ZCCHC24: variants seen among roughly 807,000 people sequenced by gnomAD.
ZCCHC24 encodes the protein zinc finger CCHC domain-containing protein 24.
In ZCCHC24, 10 loss-of-function variants were observed where a neutral mutation model predicts 26.2. The observed-to-expected ratio is 0.38, with a 90% CI of 0.24 to 0.65. The LOEUF (loss-of-function observed/expected upper bound fraction) is 0.65. Ranked by LOEUF, ZCCHC24 falls within the 30% of genes least tolerant of loss-of-function variation. The probability of loss-of-function intolerance (pLI) is 0.54; values close to 1 mark genes in which losing one functional copy is unlikely to be tolerated. For synonymous variants in ZCCHC24, 144 were observed against 147.1 expected (o/e 0.98, Z 0.15); for missense variants, 243 against 329.1 (o/e 0.74, Z 2.03).
intron 3 of ZCCHC24, among the ~76,000 whole-genome samples, chr10:79,391,802 G>C (rs753513584): frequency 2.6e-5 from 4 of 151,134 alleles, no homozygotes; most frequent in Non-Finnish European, 5.9e-5. Context: ...CTCCCGGAGC[G>C]CTCTCCCCTC....
chr10:79,430,184 GGTGTCA>G (rs1273698876), intron 2 of ZCCHC24, among the ~76,000 whole-genome samples: 1 of 152,060 alleles, frequency 6.6e-6, no homozygotes, highest in Admixed American at 6.6e-5. Flanking sequence ...CAATACCCTG[GGTGTCA>G]GTGCTCTCCT....
chr10:79,430,697 C>CACACAT (rs1857114725), intron 2 of ZCCHC24, among the ~76,000 whole-genome samples: 1 of 151,412 alleles, frequency 6.6e-6, no homozygotes, highest in African/African-American at 2.4e-5. Context: ...CACACACACA[C>CACACAT]ACACACACAC....
At chr10:79,404,123 G>A (rs529312948) in intron 2 of ZCCHC24, among the ~76,000 whole-genome samples, 122 of 152,182 alleles carry the variant, frequency 8.0e-4, no homozygotes, top group African/African-American at 2.8e-3. Flanking sequence ...ACATTCGGGG[G>A]AACGGGGCCC....
intron 3 of ZCCHC24, 92 bp downstream of exon 3, chr10:79,394,184 C>T (rs1440270284): frequency 1.3e-6 from 2 of 1,491,958 alleles, no homozygotes; most frequent in African/African-American, 2.8e-5. Flanking sequence ...TTAGAGAGAT[C>T]TCCCTTGTAG....
chr10:79,444,213 G>C (rs1407239100), intron 1 of ZCCHC24: 1 of 1,501,708 alleles, frequency 6.7e-7, no homozygotes, highest in South Asian at 1.3e-5. Context: ...GAAGGCCACA[G>C]ATGGGTGTCT....
chr10:79,399,975 C>A (rs557853137), intron 2 of ZCCHC24, among the ~76,000 whole-genome samples: 23 of 152,296 alleles, frequency 1.5e-4, no homozygotes, highest in African/African-American at 5.1e-4. Flanking sequence ...GCTGAGGGGG[C>A]CTTTGCCCTG....
intron 2 of ZCCHC24, 143 bp from the exon 3 acceptor site, chr10:79,394,583 A>G (rs1856520246): frequency 7.0e-7 from 1 of 1,430,070 alleles, no homozygotes; most frequent in Admixed American, 2.8e-5. Context: ...AGATAATACC[A>G]GGGTCATCCC....
chr10:79,396,050 T>C (rs1856542733), intron 2 of ZCCHC24, among the ~76,000 whole-genome samples: 1 of 152,244 alleles, frequency 6.6e-6, no homozygotes, highest in African/African-American at 2.4e-5. Context: ...ACTAGTGTAC[T>C]TTCTGTCTGT....
At position 79,386,440 on chromosome 10, in the gene ZCCHC24, C is replaced by T. The variant is rs1386497265; in HGVS notation, c.631G>A (p.Asp211Asn). The part of the protein sequence containing the change: ...PHKQRPLEKP[D>N]GLDVSDQSKE... ...CTCTGGTCGGACACGTCCAGGCCGT[C>T]GGGCTTCTCCAGGGGTCTCTGCAGA... The change falls in exon 4 of 4, where the codon GAC becomes AAC. Residue 211 changes from aspartate (D) to asparagine (N), a missense_variant. Physicochemically the swap from Asp to Asn is conservative, Grantham distance 23 (BLOSUM62 1). Transcript: ENST00000372336. 8 of 1,601,212 alleles carry T rather than the reference C, an allele frequency of 5.0e-6. No individual in the cohort carries two copies. Among genetic ancestry groups the T allele is most frequent in the South Asian group, 1.1e-5 (1 of 90,560 alleles).
At chr10:79,415,094 T>C (rs1277937490) in intron 2 of ZCCHC24, among the ~76,000 whole-genome samples, 1 of 152,174 alleles carries the variant, frequency 6.6e-6, no homozygotes, top group Non-Finnish European at 1.5e-5. Flanking sequence ...TTGGGTACCA[T>C]GAAGGCTAAG....
intron 2 of ZCCHC24, among the ~76,000 whole-genome samples, chr10:79,410,100 T>C (rs889088312): frequency 3.3e-5 from 5 of 152,238 alleles, no homozygotes; most frequent in African/African-American, 1.2e-4. Context: ...TCAGAGCCTC[T>C]GCACTTGCTG....
At chr10:79,403,095 A>G (rs1456290321) in intron 2 of ZCCHC24, among the ~76,000 whole-genome samples, 1 of 152,214 alleles carries the variant, frequency 6.6e-6, no homozygotes, top group Non-Finnish European at 1.5e-5. Context: ...GACCCACACC[A>G]GTCGCGAACT....
chr10:79,395,445 G>T (rs1856533663), intron 2 of ZCCHC24, among the ~76,000 whole-genome samples: 1 of 152,220 alleles, frequency 6.6e-6, no homozygotes, highest in African/African-American at 2.4e-5. Flanking sequence ...GAGTGTATTT[G>T]TGAATATAGA....
At chr10:79,394,136 C>G (rs1357402052) in intron 3 of ZCCHC24, 140 bp downstream of exon 3, 9 of 1,226,014 alleles carry the variant, frequency 7.3e-6, no homozygotes, top group Non-Finnish European at 8.9e-6. Flanking sequence ...CTTCCCTTCC[C>G]TCCCATTTCA....
At chr10:79,391,704 A>G (rs569969322) in intron 3 of ZCCHC24, among the ~76,000 whole-genome samples, 36 of 151,710 alleles carry the variant, frequency 2.4e-4, no homozygotes, top group South Asian at 8.3e-4. Context: ...CCAGGCTCCA[A>G]GCTATCCTCC....
chr10:79,419,590 CT>C (rs1256925881), intron 2 of ZCCHC24, among the ~76,000 whole-genome samples: 1 of 152,180 alleles, frequency 6.6e-6, no homozygotes, highest in East Asian at 1.9e-4. Flanking sequence ...GGCCAAGGGC[CT>C]GGCACACTGG....
chr10:79,404,639 C>T (rs1037721956), intron 2 of ZCCHC24, among the ~76,000 whole-genome samples: 2 of 152,164 alleles, frequency 1.3e-5, no homozygotes, highest in African/African-American at 2.4e-5. Context: ...CTTTGGGTCC[C>T]GTTTGCTCAG....
At chr10:79,444,035 G>T in intron 1 of ZCCHC24, 1 of 1,480,764 alleles carries the variant, frequency 6.8e-7, no homozygotes, top group East Asian at 2.7e-5. Context: ...CTTACCCCCA[G>T]CACACCCTTG....
At chr10:79,425,464 A>G (rs749397185) in intron 2 of ZCCHC24, among the ~76,000 whole-genome samples, 4 of 152,194 alleles carry the variant, frequency 2.6e-5, no homozygotes, top group African/African-American at 7.2e-5. Flanking sequence ...ACTTCCAGTC[A>G]TCTATCTTTT....
Sources: gnomAD v4.1 joint callset for allele counts (sites outside exome capture counted in the v4.1 genomes callset) on GRCh38, gnomAD v4.1.1 for gene constraint, MANE v1.5 for transcripts, NCBI Gene and HGNC (gene_info 2026-07-23, HGNC 2026-07-21) for gene names.